TRDN: variants seen among roughly 807,000 people sequenced by gnomAD.
TRDN encodes the protein triadin in skeletal muscle.
A neutral mutation model predicts 149.7 loss-of-function variants in TRDN; 161 were observed. The ratio of observed to expected loss-of-function variants is 1.08; its 90% confidence interval spans 0.95 to 1.23. TRDN has a LOEUF of 1.23. Among genes scored for constraint, TRDN ranks in the 50% most tolerant of loss-of-function variants. TRDN has a pLI of 0.00. For synonymous variants in TRDN, 294 were observed against 250.5 expected (o/e 1.17, Z -1.64); for missense variants, 896 against 823.5 (o/e 1.09, Z -1.08).
At chr6:123,265,694 A>ATATTAATATTAATTTATACTAATATTAAT (rs1776920911) in intron 32 of TRDN, among the ~76,000 whole-genome samples, 1 of 115,210 alleles carries the variant, frequency 8.7e-6, no homozygotes, top group Non-Finnish European at 1.8e-5. Flanking sequence ...TTTGGAATAC[A>ATATTAATATTAATTTATACTAATATTAAT]TATTAATATT....
intron 9 of TRDN, among the ~76,000 whole-genome samples, chr6:123,479,474 T>C (rs1421993121): frequency 1.3e-5 from 2 of 152,200 alleles, no homozygotes; most frequent in Non-Finnish European, 2.9e-5. Flanking sequence ...ATGTCAATTA[T>C]CTATTGTGTT....
intron 1 of TRDN, among the ~76,000 whole-genome samples, chr6:123,599,592 AT>A (rs988902930): frequency 1.5e-3 from 220 of 149,142 alleles, no homozygotes; most frequent in African/African-American, 4.4e-3. Flanking sequence ...ATTTGGTGCT[AT>A]TTTTTTTTTC....
At chr6:123,562,496 A>G (rs796066304) in intron 2 of TRDN, among the ~76,000 whole-genome samples, 1 of 152,170 alleles carries the variant, frequency 6.6e-6, no homozygotes, top group Non-Finnish European at 1.5e-5. Flanking sequence ...CAAGAAGCCT[A>G]TGAGCTACAG....
intron 20 of TRDN, 93 bp downstream of exon 20, chr6:123,366,042 G>C: frequency 8.9e-7 from 1 of 1,118,650 alleles, no homozygotes; most frequent in Non-Finnish European, 1.3e-6. Context: ...TCAATAAATA[G>C]AGCTCTTTTC....
chr6:123,218,827 T>C, intron 40 of TRDN, 87 bp from the exon 41 acceptor site: 1 of 1,389,560 alleles, frequency 7.2e-7, no homozygotes, highest in Non-Finnish European at 9.7e-7. Flanking sequence ...GCAGATAAGG[T>C]CACAGATTCT....
At chr6:123,255,776 GT>G (rs888148621) in intron 36 of TRDN, 90 bp downstream of exon 36, 17 of 870,568 alleles carry the variant, frequency 2.0e-5, no homozygotes, top group Non-Finnish European at 2.6e-5. Flanking sequence ...ATTTAGAAAA[GT>G]TTTTTTTCAT....
In TRDN at chr6:123,415,314, A is replaced by G. The variant is rs1191626217; in HGVS notation, c.1052-21637T>C. On this transcript the variant is annotated intron_variant, in intron 12 of 40. Transcript: ENST00000334268. ...CATACAAATTATAAAAATATTTACC[A>G]TGTATTGGATACTTGTAATATTCCA... is the stretch of plus-strand genomic sequence containing the variant. 3.3e-5 allele frequency among the ~76,000 whole-genome samples: 5 copies of G among 152,338 alleles called. No individual in the cohort carries two copies. In the East Asian group the frequency reaches 9.6e-4, roughly 29 times the overall value.
At chr6:123,478,393 G>A (rs1777596846) in intron 9 of TRDN, among the ~76,000 whole-genome samples, 1 of 152,126 alleles carries the variant, frequency 6.6e-6, no homozygotes, top group Non-Finnish European at 1.5e-5. Context: ...TCTAGATAGA[G>A]TACCAACTGG....
chr6:123,368,808 C>G (rs1781213544), intron 19 of TRDN, among the ~76,000 whole-genome samples: 1 of 152,088 alleles, frequency 6.6e-6, no homozygotes, highest in African/African-American at 2.4e-5. Flanking sequence ...GTATCTGATC[C>G]CATTAATACT....
chr6:123,338,916 A>T (rs532050622), intron 21 of TRDN, among the ~76,000 whole-genome samples: 2 of 152,204 alleles, frequency 1.3e-5, no homozygotes, highest in Non-Finnish European at 2.9e-5. Context: ...CACTGAGAGT[A>T]CGCCATTTAG....
At chr6:123,478,060 A>AT (rs1777580627) in intron 9 of TRDN, among the ~76,000 whole-genome samples, 1 of 148,518 alleles carries the variant, frequency 6.7e-6, no homozygotes, top group Non-Finnish European at 1.5e-5. Context: ...AAGTATAATA[A>AT]TAAAAAAAAA....
At chr6:123,612,750 A>C (rs1486491372) in intron 1 of TRDN, among the ~76,000 whole-genome samples, 2 of 152,204 alleles carry the variant, frequency 1.3e-5, no homozygotes, top group Non-Finnish European at 2.9e-5. Flanking sequence ...TAGTTTTCTA[A>C]GGAAAATATT....
intron 1 of TRDN, among the ~76,000 whole-genome samples, chr6:123,574,959 G>A (rs1477864406): frequency 1.4e-5 from 2 of 147,440 alleles, no homozygotes; most frequent in East Asian, 4.0e-4. Flanking sequence ...TGCAAGCTCT[G>A]AGTTAAAAAT....
chr6:123,273,063 T>C (rs1777257052), intron 28 of TRDN, 52 bp from the exon 29 acceptor site: 1 of 1,256,962 alleles, frequency 8.0e-7, no homozygotes, highest in Non-Finnish European at 1.1e-6. Context: ...GCTGGGAAAA[T>C]AGCTAGCAGA....
At chr6:123,625,747 T>C (rs1467497527) in intron 1 of TRDN, among the ~76,000 whole-genome samples, 1 of 152,124 alleles carries the variant, frequency 6.6e-6, no homozygotes, top group African/African-American at 2.4e-5. Flanking sequence ...GCCAACAAGA[T>C]TGAAAATAAA....
chr6:123,351,709 C>T (rs1283894459), intron 21 of TRDN: 4 of 928,170 alleles, frequency 4.3e-6, no homozygotes, highest in Admixed American at 6.2e-5. Flanking sequence ...GGATTTCATA[C>T]ATTTAATTGC....
intron 1 of TRDN, among the ~76,000 whole-genome samples, chr6:123,624,063 T>C (rs1785528417): frequency 6.6e-6 from 1 of 151,846 alleles, no homozygotes; most frequent in Non-Finnish European, 1.5e-5. Context: ...ACTAGATTTC[T>C]GTATATTTTA....
intron 10 of TRDN, among the ~76,000 whole-genome samples, chr6:123,461,196 C>A (rs1384595197): frequency 6.6e-6 from 1 of 152,032 alleles, no homozygotes; most frequent in East Asian, 1.9e-4. Context: ...AATTGAGGCC[C>A]TAAGAAGTCA....
intron 1 of TRDN, among the ~76,000 whole-genome samples, chr6:123,610,598 C>G (rs1221050387): frequency 6.6e-6 from 1 of 152,108 alleles, no homozygotes; most frequent in Non-Finnish European, 1.5e-5. Context: ...ACAATTGTAT[C>G]TGTGACAAAT....
Sources: gnomAD v4.1 joint callset for allele counts (sites outside exome capture counted in the v4.1 genomes callset) on GRCh38, gnomAD v4.1.1 for gene constraint, MANE v1.5 for transcripts, NCBI Gene and HGNC (gene_info 2026-07-23, HGNC 2026-07-21) for gene names.